EPN1: variants seen among roughly 807,000 people sequenced by gnomAD.
EPN1 encodes the protein epsin 1.
Under a neutral mutation model 56.9 loss-of-function variants are expected in EPN1, and 25 were observed. The observed-to-expected ratio is 0.44, with a 90% CI of 0.32 to 0.61. The LOEUF (loss-of-function observed/expected upper bound fraction) is 0.61. Among genes scored for constraint, EPN1 ranks in the 20% least tolerant of loss-of-function variants. The pLI, the probability that EPN1 is intolerant of heterozygous loss-of-function variation, is 0.05. For missense variants in EPN1, 785 were observed against 823.7 expected (o/e 0.95, Z 0.58); for synonymous variants, 411 against 361.8 (o/e 1.14, Z -1.54).
At chr19:55,679,006 G>A (rs1397784351) in intron 2 of EPN1, among the ~76,000 whole-genome samples, 151 bp downstream of exon 2, 2 of 152,242 alleles carry the variant, frequency 1.3e-5, no homozygotes, top group Admixed American at 6.5e-5. Context: ...TGAAGGCAAC[G>A]AATATAAGGC....
chr19:55,693,632 C>T (rs568248246), intron 9 of EPN1, among the ~76,000 whole-genome samples: 22 of 152,320 alleles, frequency 1.4e-4, no homozygotes, highest in African/African-American at 5.3e-4. Context: ...CGCCGCGGCC[C>T]TCAGCTGATA....
At position 55,703,010 on chromosome 19, in the gene EPN1, A is replaced by AG. The variant is rs1307314592; in HGVS notation, c.*7656dup. On this transcript the variant is annotated 3_prime_UTR_variant, in exon 11 of 11. Coordinates refer to ENST00000270460, the MANE Select transcript of EPN1 (RefSeq NM_001130072.2). ...GAGACGGGGTTTCACCGTGTTAGCC[A>AG]GGATGGTCTCAATCTGACCTTGTGA... The AG allele has an allele frequency of 6.6e-6, 1 of 152,146 alleles. No individual in the cohort carries two copies. Among genetic ancestry groups the AG allele is most frequent in the Non-Finnish European group, 1.5e-5 (1 of 68,074 alleles). The allele number at this position is 152,146 out of a possible 1,614,324, so 9.4% of individuals were successfully genotyped here.
Position 55,708,401 on chromosome 19 carries a change from T to G in EPN1, c.*13045T>G, listed in dbSNP as rs1437175223. 1.6e-5 allele frequency: 2 copies of G among 127,584 alleles called. No individual in the cohort carries two copies. The highest frequency in any genetic ancestry group is 1.4e-4 in the Admixed American group (2 of 13,920). The allele number at this position is 127,584 out of a possible 1,614,324, so 7.9% of individuals were successfully genotyped here. A position where few individuals can be genotyped will look rare whatever the true frequency, so the allele number is the denominator to read the frequency against. Reference sequence around the variant, plus strand: ...GAATAATACTGAATTTTTAGAAAAATCTATTGGGGTGTCATATATAAAAGG... The same window carrying G: ...GAATAATACTGAATTTTTAGAAAAAGCTATTGGGGTGTCATATATAAAAGG... On this transcript the variant is annotated 3_prime_UTR_variant, in exon 11 of 11. Transcript: ENST00000270460.
chr19:55,689,550 G>A lies in EPN1; in HGVS notation c.678+179G>A, dbSNP rs958533050. On this transcript the variant is annotated intron_variant, in intron 5 of 10. Transcript: ENST00000270460. The surrounding 1 kb of genome is among the most constrained non-coding windows in gnomAD (Gnocchi z 5.7). ...GGACCACAAGTCAGACAGAGCCTGG[G>A]TGGTGGCCAGCACAGCTGTGCCAAG... is the stretch of plus-strand genomic sequence containing the variant. 6.6e-6 allele frequency among the ~76,000 whole-genome samples: 1 copy of A among 152,328 alleles called. No homozygotes were observed. Among genetic ancestry groups the A allele is most frequent in the East Asian group, 1.9e-4 (1 of 5,164 alleles).
chr19:55,689,924 A>G lies in EPN1; in HGVS notation c.736A>G (p.Lys246Glu). ...GCTGCAGATGGCAATCGAGGAGAGC[A>G]AGAGGGAGACTGGGGGCAAGGAGGA... is the stretch of plus-strand genomic sequence containing the variant. ...LRLQMAIEESKRETGGKEESS... is the reference protein window; with the variant it reads ...LRLQMAIEESERETGGKEESS... The change falls in exon 6 of 11, where the codon AAG becomes GAG. Residue 246 changes from lysine to glutamate, a missense_variant. By Grantham distance (56) the Lys-to-Glu change is moderately conservative (BLOSUM62 1). Around this residue, in one of 2 missense-constraint regions of EPN1, gnomAD observed 650 missense variants for 605.0 expected, o/e 1.07. Transcript: ENST00000270460. This position sits in a 1 kb window ranked among gnomAD's most constrained non-coding sequence, Gnocchi z 5.7. 6.2e-7 allele frequency: 1 copy of G among 1,604,932 alleles called. No homozygotes were observed. Among genetic ancestry groups the G allele is most frequent in the Non-Finnish European group, 8.5e-7 (1 of 1,176,200 alleles).
At chr19:55,681,040 G>C (rs1291362595) in intron 2 of EPN1, among the ~76,000 whole-genome samples, 5 of 152,216 alleles carry the variant, frequency 3.3e-5, no homozygotes, top group Non-Finnish European at 7.3e-5. Context: ...GGCTCGTGGG[G>C]GAGCTGGGGC....
In EPN1 at chr19:55,702,759, G is replaced by A. The variant is rs1034570569; in HGVS notation, c.*7403G>A. On this transcript the variant is annotated 3_prime_UTR_variant, in exon 11 of 11. Transcript: ENST00000270460. ...GTAGAATGGGTGAATGCATTTATTCGTTCATCTAAGCCGCATTTACTCCTT... is the reference window on the plus strand; with the variant it reads ...GTAGAATGGGTGAATGCATTTATTCATTCATCTAAGCCGCATTTACTCCTT... 1.3e-5 allele frequency: 2 copies of A among 151,788 alleles called. No individual in the cohort carries two copies. Among genetic ancestry groups the A allele is most frequent in the East Asian group, 1.9e-4 (1 of 5,156 alleles). 9.4% of individuals were successfully genotyped at this position (151,788 alleles called of 1,614,324 possible). A position where few individuals can be genotyped will look rare whatever the true frequency, so the allele number is the denominator to read the frequency against.
chr19:55,705,810 T>G lies in EPN1; in HGVS notation c.*10454T>G, dbSNP rs369361826. 1 of 78,104 alleles carries G rather than the reference T, an allele frequency of 1.3e-5. No individual in the cohort carries two copies. The highest frequency in any genetic ancestry group is 2.7e-5 in the Non-Finnish European group (1 of 36,832). 4.8% of individuals were successfully genotyped at this position (78,104 alleles called of 1,614,324 possible). A position where few individuals can be genotyped will look rare whatever the true frequency, so the allele number is the denominator to read the frequency against. ...GGCTGGAATATTTGTTGTTGTGGGATATATATATATATATATATTTAGAGT... is the reference window on the plus strand; with the variant it reads ...GGCTGGAATATTTGTTGTTGTGGGAGATATATATATATATATATTTAGAGT... On this transcript the variant is annotated 3_prime_UTR_variant, in exon 11 of 11. Transcript: ENST00000270460.
In EPN1 at chr19:55,685,638, C is replaced by T. The variant is rs769366217; in HGVS notation, c.471C>T (p.Thr157=). ...AGACCAAGGAAAAGCTGGCACAGAC[C>T]GCCACGGGTGAGTCCCTCCCTGCGG... The part of the protein sequence containing the change: ...ALKTKEKLAQ[T]ATASSAAVGS... The change falls in exon 3 of 11, where the codon ACC becomes ACT. Residue 157 remains threonine, a synonymous_variant. Coordinates refer to ENST00000270460, the MANE Select transcript of EPN1 (RefSeq NM_001130072.2). 57 of 1,595,248 alleles carry T rather than the reference C, an allele frequency of 3.6e-5. No individual in the cohort carries two copies. Among genetic ancestry groups the T allele is most frequent in the Admixed American group, 2.4e-4 (14 of 57,830 alleles).
intron 2 of EPN1, among the ~76,000 whole-genome samples, chr19:55,684,399 A>G (rs947156019): frequency 6.6e-6 from 1 of 152,102 alleles, no homozygotes; most frequent in Non-Finnish European, 1.5e-5. Flanking sequence ...TAAGGGGGCC[A>G]TGACTCCTCA....
intron 3 of EPN1, among the ~76,000 whole-genome samples, chr19:55,687,061 C>T (rs777612430): frequency 5.3e-5 from 8 of 152,032 alleles, no homozygotes; most frequent in Non-Finnish European, 1.0e-4. Context: ...CCAAGGTCTC[C>T]GAAATTTGAA....
At chr19:55,677,008 C>G (rs1346124036) in intron 1 of EPN1, 3 of 1,125,800 alleles carry the variant, frequency 2.7e-6, no homozygotes, top group Non-Finnish European at 2.5e-6. Flanking sequence ...TTTGGGACTC[C>G]AGAGAGTTAC....
chr19:55,685,601 C>T lies in EPN1; in HGVS notation c.434C>T (p.Ala145Val), dbSNP rs755511778. 36 of 1,604,450 alleles carry T rather than the reference C, an allele frequency of 2.2e-5. No homozygotes were observed. The highest frequency in any genetic ancestry group is 2.0e-4 in the Admixed American group (12 of 58,854). Residue 145 changes from alanine (A) to valine (V), a missense_variant, in exon 3 of 11, where the codon GCG (alanine) becomes GTG (valine). Physicochemically the swap from Ala to Val is moderately conservative, Grantham distance 64. Around this residue, in one of 2 missense-constraint regions of EPN1, gnomAD observed 135 missense variants for 218.7 expected, o/e 0.62. Transcript: ENST00000270460. ...RDEDRLREER[A>V]HALKTKEKLA... The stretch of plus-strand genomic sequence containing the variant: ...GAGGACCGGCTGCGGGAAGAGCGGG[C>T]GCACGCGCTCAAGACCAAGGAAAAG...
rs1339575284 is a variant in EPN1, at chr19:55,706,219, TC to T, written c.*10865del. 4 of 139,092 alleles carry T rather than the reference TC, an allele frequency of 2.9e-5. No homozygotes were observed. The highest frequency in any genetic ancestry group is 1.0e-4 in the African/African-American group (3 of 29,934). The allele number at this position is 139,092 out of a possible 1,614,324, so 8.6% of individuals were successfully genotyped here. On this transcript the variant is annotated 3_prime_UTR_variant, in exon 11 of 11. Transcript: ENST00000270460. ...CCTTTCTTCCTTTATTTTTCTTTCT[TC>T]CTTTCCTCCTCTTTCTTCTCCTTTT...
intron 1 of EPN1, chr19:55,677,215 T>A: frequency 6.7e-7 from 1 of 1,500,310 alleles, no homozygotes; most frequent in East Asian, 2.5e-5. Flanking sequence ...GCTCCAGGAG[T>A]AAGGTGTGTG....
At chr19:55,692,263 G>A (rs1480451111) in intron 7 of EPN1, among the ~76,000 whole-genome samples, 1 of 151,954 alleles carries the variant, frequency 6.6e-6, no homozygotes, top group East Asian at 1.9e-4. Flanking sequence ...CATGGGGGGT[G>A]TGCTGTGGGG....
Position 55,695,349 on chromosome 19 carries a change from T to C in EPN1, c.1724T>C (p.Leu575Pro). ...GPPAPNTNPF[L>P]L ...CCGGCCCCCAACACTAATCCCTTCC[T>C]CCTATAATCCAGGGCGGAAGGGGGC... Residue 575 changes from leucine (L) to proline (P), a missense_variant, in exon 11 of 11, where the codon CTC becomes CCC. Transcript: ENST00000270460. This position sits in a 1 kb window ranked among gnomAD's most constrained non-coding sequence, Gnocchi z 4.4. 2 of 1,475,744 alleles carry C rather than the reference T, an allele frequency of 1.4e-6. No individual in the cohort carries two copies. The highest frequency in any genetic ancestry group is 1.8e-6 in the Non-Finnish European group (2 of 1,091,688). 91.4% of individuals were successfully genotyped at this position (1,475,744 alleles called of 1,614,324 possible). A position where few individuals can be genotyped will look rare whatever the true frequency, so the allele number is the denominator to read the frequency against.
Position 55,706,280 on chromosome 19 carries a change from C to CTTTTTTTTTTTTT in EPN1, c.*10926_*10927insTTTTTTTTTTTTT, listed in dbSNP as rs1323034565. The stretch of plus-strand genomic sequence containing the variant: ...TTTCTTCCTTTCTTCTCTTTTTCTT[C>CTTTTTTTTTTTTT]TTCTTTTTTTTTTTTTTTTAAAAGA... On this transcript the variant is annotated 3_prime_UTR_variant, in exon 11 of 11. Transcript: ENST00000270460. 46 of 129,290 alleles carry CTTTTTTTTTTTTT rather than the reference C, an allele frequency of 3.6e-4. 1 individual carries two copies. The highest frequency in any genetic ancestry group is 1.1e-3 in the African/African-American group (34 of 31,678). 8.0% of individuals were successfully genotyped at this position (129,290 alleles called of 1,614,324 possible). A position where few individuals can be genotyped will look rare whatever the true frequency, so the allele number is the denominator to read the frequency against.
intron 2 of EPN1, among the ~76,000 whole-genome samples, chr19:55,680,379 C>T (rs914527148): frequency 1.3e-5 from 2 of 152,152 alleles, no homozygotes; most frequent in African/African-American, 4.8e-5. Flanking sequence ...GCCATCCCTG[C>T]AGCATCTCTT....
Sources: gnomAD v4.1 joint callset for allele counts (sites outside exome capture counted in the v4.1 genomes callset) on GRCh38, gnomAD v4.1.1 for gene constraint, gnomAD v4.1.1 regional missense constraint, Gnocchi (gnomAD v3.1) non-coding constraint, MANE v1.5 for transcripts, NCBI Gene and HGNC (gene_info 2026-07-23, HGNC 2026-07-21) for gene names.